Variants in RALYL observed in about 807,000 individuals in gnomAD.
RALYL encodes the protein RNA-binding Raly-like protein.
In RALYL, 29 loss-of-function variants were observed where a neutral mutation model predicts 35.1. The observed-to-expected ratio is 0.83, with a 90% CI of 0.61 to 1.13. RALYL has a LOEUF of 1.13. RALYL is among the 50% of genes most tolerant of loss of function. RALYL has a pLI of 0.00. For missense variants in RALYL, 359 were observed against 360.4 expected (o/e 1.00, Z 0.03); for synonymous variants, 120 against 127.6 (o/e 0.94, Z 0.40).
At chr8:84,671,983 C>T (rs1361045182) in intron 2 of RALYL, among the ~76,000 whole-genome samples, 3 of 152,226 alleles carry the variant, frequency 2.0e-5, no homozygotes, top group African/African-American at 7.2e-5. Context: ...TTATGCTCTG[C>T]TTCCCTTTTA....
chr8:84,555,623 T>C (rs550850379), intron 2 of RALYL, among the ~76,000 whole-genome samples: 1 of 152,234 alleles, frequency 6.6e-6, no homozygotes, highest in South Asian at 2.1e-4. Flanking sequence ...GTGAATGTTC[T>C]GTTTTGACAT....
intron 1 of RALYL, among the ~76,000 whole-genome samples, chr8:84,514,387 T>C (rs1264508726): frequency 6.6e-6 from 1 of 152,144 alleles, no homozygotes; most frequent in Non-Finnish European, 1.5e-5. Flanking sequence ...ACAAAGTATT[T>C]GAGATAGAGT....
intron 1 of RALYL, among the ~76,000 whole-genome samples, chr8:84,493,388 T>C (rs915293595): frequency 6.6e-6 from 1 of 152,210 alleles, no homozygotes; most frequent in Non-Finnish European, 1.5e-5. Flanking sequence ...TGTGTGCGTG[T>C]ATTTTTATAA....
At chr8:84,236,465 G>T (rs1826580295) in intron 1 of RALYL, among the ~76,000 whole-genome samples, 1 of 152,100 alleles carries the variant, frequency 6.6e-6, no homozygotes, top group African/African-American at 2.4e-5. Flanking sequence ...CCATTCAGTG[G>T]TGCTTGCTTG....
intron 2 of RALYL, among the ~76,000 whole-genome samples, chr8:84,618,202 G>A (rs1257763074): frequency 5.3e-5 from 8 of 151,740 alleles, no homozygotes; most frequent in Admixed American, 4.6e-4. Context: ...GGTAGAATTC[G>A]GCTGTGAATC....
At chr8:84,492,669 C>T (rs1368329478) in intron 1 of RALYL, among the ~76,000 whole-genome samples, 1 of 151,932 alleles carries the variant, frequency 6.6e-6, no homozygotes, top group Non-Finnish European at 1.5e-5. Flanking sequence ...GTACTGGATA[C>T]CAGAAAAAGA....
At chr8:84,851,517 T>C (rs1333722169) in intron 5 of RALYL, among the ~76,000 whole-genome samples, 2 of 152,172 alleles carry the variant, frequency 1.3e-5, no homozygotes, top group Admixed American at 6.5e-5. Flanking sequence ...TTTTAAGCCT[T>C]TAATTATGAG....
At chr8:84,253,186 T>G (rs1563614533) in intron 1 of RALYL, among the ~76,000 whole-genome samples, 3 of 123,104 alleles carry the variant, frequency 2.4e-5, no homozygotes, top group Non-Finnish European at 3.4e-5. Flanking sequence ...GTTTTTTTTT[T>G]TTTTTTTTTT....
chr8:84,801,843 G>A (rs934092681), intron 3 of RALYL, among the ~76,000 whole-genome samples: 4 of 152,142 alleles, frequency 2.6e-5, no homozygotes, highest in African/African-American at 9.7e-5. Context: ...ATCAAGAAAG[G>A]TGGTAACACA....
intron 1 of RALYL, among the ~76,000 whole-genome samples, chr8:84,420,456 A>C (rs1293665406): frequency 6.6e-6 from 1 of 151,650 alleles, no homozygotes; most frequent in African/African-American, 2.4e-5. Flanking sequence ...GCCCTATGTC[A>C]GATGAGTTGG....
At chr8:84,819,980 C>A (rs1193892752) in intron 4 of RALYL, among the ~76,000 whole-genome samples, 2 of 151,832 alleles carry the variant, frequency 1.3e-5, no homozygotes. Flanking sequence ...GGGAACCCTG[C>A]CCCAAAAAAA....
chr8:84,900,878 T>A (rs191218437), intron 8 of RALYL, among the ~76,000 whole-genome samples: 2 of 152,180 alleles, frequency 1.3e-5, no homozygotes, highest in East Asian at 3.9e-4. Context: ...ACTATTGTAG[T>A]AAGAGAGAGA....
chr8:84,739,869 A>C (rs79996342), intron 2 of RALYL, among the ~76,000 whole-genome samples: 5,464 of 152,044 alleles, frequency 0.036, 160 homozygotes, highest in Non-Finnish European at 0.058. Context: ...AAAAAGAGTG[A>C]AATAATATAC....
intron 1 of RALYL, among the ~76,000 whole-genome samples, chr8:84,525,490 G>A (rs1182337665): frequency 6.6e-5 from 10 of 151,828 alleles, no homozygotes; most frequent in African/African-American, 2.2e-4. Flanking sequence ...TTCTGCTTGA[G>A]GTTCATTGAG....
At position 84,823,128 on chromosome 8, in the gene RALYL, G is replaced by A. The variant is rs141252405; in HGVS notation, c.365+18326G>A. ...ATGCTATCGTTATAGCATGTTATAT[G>A]ATATCAAAATGTATGATTTTGTACA... is the stretch of plus-strand genomic sequence containing the variant. On this transcript the variant is annotated intron_variant, in intron 4 of 8. Transcript: ENST00000521268. 5.7e-3 allele frequency among the ~76,000 whole-genome samples: 861 copies of A among 152,202 alleles called. 6 individuals carry two copies. The highest frequency in any genetic ancestry group is 0.018 in the African/African-American group (763 of 41,558).
chr8:84,626,625 CATTA>C (rs928675441), intron 2 of RALYL, among the ~76,000 whole-genome samples: 1 of 152,010 alleles, frequency 6.6e-6, no homozygotes, highest in Non-Finnish European at 1.5e-5. Context: ...TCCTGAAAAA[CATTA>C]ATTAATCCAG....
intron 1 of RALYL, among the ~76,000 whole-genome samples, chr8:84,345,274 C>T (rs183338535): frequency 1.2e-3 from 178 of 152,064 alleles, no homozygotes; most frequent in African/African-American, 4.1e-3. Flanking sequence ...CTATAGCCTC[C>T]TCTATTACGT....
At chr8:84,890,474 T>C (rs1843631178) in intron 8 of RALYL, among the ~76,000 whole-genome samples, 1 of 152,210 alleles carries the variant, frequency 6.6e-6, no homozygotes. Flanking sequence ...GCAGTGTTAG[T>C]AGCCAGTTAA....
At chr8:84,872,444 A>G (rs1485110363) in intron 6 of RALYL, 1 of 152,286 alleles carries the variant, frequency 6.6e-6, no homozygotes, top group Middle Eastern at 3.4e-3. Context: ...CATTTAAAGA[A>G]TTGTCTTCGA....
Sources: gnomAD v4.1 joint callset for allele counts (sites outside exome capture counted in the v4.1 genomes callset) on GRCh38, gnomAD v4.1.1 for gene constraint, MANE v1.5 for transcripts, NCBI Gene and HGNC (gene_info 2026-07-23, HGNC 2026-07-21) for gene names.